RBAK: variants seen among roughly 807,000 people sequenced by gnomAD.
RBAK encodes RB associated KRAB zinc finger.
Under a neutral mutation model 65.8 loss-of-function variants are expected in RBAK, and 39 were observed. The ratio of observed to expected loss-of-function variants is 0.59; its 90% CI spans 0.46 to 0.77. The LOEUF is 0.77. RBAK is among the 30% of genes least tolerant of loss of function. The probability of loss-of-function intolerance (pLI) is 0.00; values close to 1 mark genes in which losing one functional copy is unlikely to be tolerated. For missense variants in RBAK, 884 were observed against 855.1 expected (o/e 1.03, Z -0.42); for synonymous variants, 343 against 289.7 (o/e 1.18, Z -1.87).
rs572193216 is a variant in RBAK at position 5,064,025 on chromosome 7, A to T, written c.569A>T (p.Asn190Ile). Residue 190 changes from asparagine (N) to isoleucine (I), a missense_variant, in exon 5 of 5, where the codon AAT becomes ATT. Coordinates refer to ENST00000396912, the MANE Select transcript of RBAK (RefSeq NM_021163.4). The surrounding 1 kb of genome is among the most constrained non-coding windows in gnomAD (Gnocchi z 6.3). ...CAAAATGGGGATACCTATTCTCACA[A>T]TGAAGAAAATATTCTTCAGAAAATT... ...FNQNGDTYSHNEENILQKISI... is the reference protein window; with the variant it reads ...FNQNGDTYSHIEENILQKISI... The T allele has an allele frequency of 1.9e-6, 3 of 1,613,196 alleles. No homozygotes were observed. The African/African-American group carries it at 4.0e-5, about 22-fold the overall frequency.
At chr7:5,058,507 G>A (rs1457455624) in intron 4 of RBAK, among the ~76,000 whole-genome samples, 2 of 151,914 alleles carry the variant, frequency 1.3e-5, no homozygotes, top group African/African-American at 2.4e-5. Flanking sequence ...TTCTGCCCTC[G>A]ATTTTATTTA....
Position 5,063,746 on chromosome 7 carries a change from A to C in RBAK, c.290A>C (p.Lys97Thr), listed in dbSNP as rs767733077. The C allele has an allele frequency of 6.2e-7, 1 of 1,612,998 alleles. No individual in the cohort carries two copies. The highest frequency in any genetic ancestry group is 1.1e-5 in the South Asian group (1 of 90,798). The change falls in exon 5 of 5, where the codon AAA (lysine) becomes ACA (threonine). Residue 97 changes from lysine (K) to threonine (T), a missense_variant. Physicochemically the swap from Lys to Thr is moderately conservative, Grantham distance 78. Coordinates refer to ENST00000396912, the MANE Select transcript of RBAK (RefSeq NM_021163.4). ...LIERIQENED[K>T]HSRQAACINS... ...GAGAGAATCCAAGAAAACGAAGACAAACATTCAAGGCAAGCTGCTTGTATC... is the reference window on the plus strand; with the variant it reads ...GAGAGAATCCAAGAAAACGAAGACACACATTCAAGGCAAGCTGCTTGTATC...
intron 2 of RBAK, among the ~76,000 whole-genome samples, chr7:5,052,617 A>G (rs1448241264): frequency 6.6e-6 from 1 of 152,190 alleles, no homozygotes; most frequent in African/African-American, 2.4e-5. Flanking sequence ...AGAGTAAGAG[A>G]AGCTTACAAT....
rs762607214 is a variant in RBAK at position 5,057,710 on chromosome 7, A to G, written c.169A>G (p.Ile57Val). The G allele has an allele frequency of 2.5e-6, 4 of 1,613,922 alleles. No individual in the cohort carries two copies. Among genetic ancestry groups the G allele is most frequent in the African/African-American group, 2.7e-5 (2 of 75,032 alleles). ...ATATGATACCACCAAGCCAAACGTC[A>G]TCATTAAGTTGGAGCAGGGAGAGGA... ...VGYDTTKPNV[I>V]IKLEQGEEPW... The change falls in exon 4 of 5, where the codon ATC (isoleucine) becomes GTC (valine). Residue 57 changes from isoleucine to valine, a missense_variant. Physicochemically the swap from Ile to Val is conservative, Grantham distance 29. Transcript: ENST00000396912.
chr7:5,059,945 G>A (rs1487366880), intron 4 of RBAK, among the ~76,000 whole-genome samples: 1 of 151,972 alleles, frequency 6.6e-6, no homozygotes, highest in East Asian at 1.9e-4. Context: ...TATATGTTCT[G>A]ATAGGATTAT....
Position 5,050,764 on chromosome 7 carries a change from A to G in RBAK, c.15+2673A>G, listed in dbSNP as rs76690492. Among the ~76,000 whole-genome samples the G allele has an allele frequency of 6.6e-3, 1,000 of 152,028 alleles. 14 individuals are homozygous for G. The highest frequency in any genetic ancestry group is 0.023 in the African/African-American group (952 of 41,450). On this transcript the variant is annotated intron_variant, in intron 2 of 4. Transcript: ENST00000396912. ...GAATTTTTTAATTTTTAGTAGAGAC[A>G]GGTTTTGCTATGTTGCCCAGGCTGG...
At chr7:5,056,559 C>G (rs1164461497) in intron 2 of RBAK, among the ~76,000 whole-genome samples, 1 of 152,208 alleles carries the variant, frequency 6.6e-6, no homozygotes, top group African/African-American at 2.4e-5. Flanking sequence ...GAAGCCTAAT[C>G]TGATGGCATA....
Position 5,064,466 on chromosome 7 carries a change from G to T in RBAK, c.1010G>T (p.Arg337Ile), listed in dbSNP as rs1196319324. The T allele has an allele frequency of 6.2e-7, 1 of 1,614,082 alleles. No individual in the cohort carries two copies. ...AAGTTACACCTCACTCAACACCTAA[G>T]AACTCATTCAGGAGAGAAACCCTAC... ...CQKLHLTQHLRTHSGEKPYEC... is the reference protein window; with the variant it reads ...CQKLHLTQHLITHSGEKPYEC... The change falls in exon 5 of 5, where the codon AGA (arginine) becomes ATA (isoleucine). Residue 337 changes from arginine to isoleucine, a missense_variant. By Grantham distance (97) the Arg-to-Ile change is moderately conservative. Transcript: ENST00000396912. This position sits in a 1 kb window ranked among gnomAD's most constrained non-coding sequence, Gnocchi z 6.3.
intron 2 of RBAK, among the ~76,000 whole-genome samples, chr7:5,051,464 G>A (rs917584564): frequency 2.0e-5 from 3 of 151,938 alleles, no homozygotes; most frequent in Admixed American, 6.6e-5. Context: ...AATACCCATA[G>A]CACAGTAATT....
In RBAK at chr7:5,064,416, T is replaced by A. The variant is rs746474231; in HGVS notation, c.960T>A (p.Asn320Lys). The A allele has an allele frequency of 5.6e-6, 9 of 1,613,986 alleles. No homozygotes were observed. The highest frequency in any genetic ancestry group is 1.6e-4 in the Middle Eastern group (1 of 6,082). ...SHLEEKPYKC[N>K]ECGKTFCQKL... Reference sequence around the variant, plus strand: ...TAGAGGAGAAGCCCTATAAATGTAATGAATGTGGGAAAACCTTTTGTCAGA... The same window carrying A: ...TAGAGGAGAAGCCCTATAAATGTAAAGAATGTGGGAAAACCTTTTGTCAGA... Residue 320 changes from asparagine (N) to lysine (K), a missense_variant, in exon 5 of 5, where the codon AAT becomes AAA. By Grantham distance (94) the Asn-to-Lys change is moderately conservative (BLOSUM62 0). Coordinates refer to ENST00000396912, the MANE Select transcript of RBAK (RefSeq NM_021163.4). The surrounding 1 kb of genome is among the most constrained non-coding windows in gnomAD (Gnocchi z 6.3).
In RBAK at chr7:5,066,405, G is replaced by C. The variant is rs1779219153; in HGVS notation, c.*804G>C. On this transcript the variant is annotated 3_prime_UTR_variant, in exon 5 of 5. Transcript: ENST00000396912. The stretch of plus-strand genomic sequence containing the variant: ...ATAAGATTTTCTAAAAGACTATTTT[G>C]ATAAACTATACATACATAATTTGGA... The C allele has an allele frequency of 6.6e-6, 1 of 151,784 alleles. No individual in the cohort carries two copies. Among genetic ancestry groups the C allele is most frequent in the Admixed American group, 6.6e-5 (1 of 15,230 alleles). 9.4% of individuals were successfully genotyped at this position (151,784 alleles called of 1,614,324 possible). A position where few individuals can be genotyped will look rare whatever the true frequency, so the allele number is the denominator to read the frequency against.
In RBAK at chr7:5,063,820, T is replaced by A. The variant is rs1216106964; in HGVS notation, c.364T>A (p.Tyr122Asn). ...EEKENTFSQIYMETSLVPSSI... is the reference protein window; with the variant it reads ...EEKENTFSQINMETSLVPSSI... Reference sequence around the variant, plus strand: ...GAAAGAGAATACATTTAGTCAAATTTACATGGAAACAAGCCTTGTTCCTTC... The same window carrying A: ...GAAAGAGAATACATTTAGTCAAATTAACATGGAAACAAGCCTTGTTCCTTC... The change falls in exon 5 of 5, where the codon TAC (tyrosine) becomes AAC (asparagine). Residue 122 changes from tyrosine (Y) to asparagine (N), a missense_variant. Coordinates refer to ENST00000396912, the MANE Select transcript of RBAK (RefSeq NM_021163.4). 1 of 1,614,062 alleles carries A rather than the reference T, an allele frequency of 6.2e-7. No individual in the cohort carries two copies. The highest frequency in any genetic ancestry group is 1.7e-5 in the Admixed American group (1 of 60,018).
chr7:5,065,259 A>C lies in RBAK; in HGVS notation c.1803A>C (p.Gly601=). The C allele has an allele frequency of 1.2e-6, 2 of 1,613,966 alleles. No individual in the cohort carries two copies. The highest frequency in any genetic ancestry group is 1.7e-6 in the Non-Finnish European group (2 of 1,179,922). ...AACCCTATGAATGTTACGAATGTGG[A>C]AAATTCTTCTCTCAGAAATCATATC... The part of the protein sequence containing the change: ...GEKPYECYEC[G]KFFSQKSYLT... The change falls in exon 5 of 5, where the codon GGA becomes GGC. Residue 601 remains glycine, a synonymous_variant. Coordinates refer to ENST00000396912, the MANE Select transcript of RBAK (RefSeq NM_021163.4). The surrounding 1 kb of genome is among the most constrained non-coding windows in gnomAD (Gnocchi z 5.3).
chr7:5,056,868 C>G (rs1212285925), intron 2 of RBAK: 2 of 152,396 alleles, frequency 1.3e-5, no homozygotes, highest in African/African-American at 2.4e-5. Context: ...AGGGGAGGGC[C>G]TGGCAGCAAG....
At position 5,065,094 on chromosome 7, in the gene RBAK, G is replaced by C. The variant is rs1354192983; in HGVS notation, c.1638G>C (p.Lys546Asn). The C allele has an allele frequency of 6.2e-7, 1 of 1,613,870 alleles. No individual in the cohort carries two copies. Among genetic ancestry groups the C allele is most frequent in the East Asian group, 2.2e-5 (1 of 44,870 alleles). ...CCTATGAATGTAATGTATGTGGAAA[G>C]TTATTCAATGAGTTGTCATACTATA... ...EKSYECNVCG[K>N]LFNELSYYTE... The change falls in exon 5 of 5, where the codon AAG (lysine) becomes AAC (asparagine). Residue 546 changes from lysine (K) to asparagine (N), a missense_variant. Lys to Asn is a moderately conservative substitution (Grantham distance 94). Coordinates refer to ENST00000396912, the MANE Select transcript of RBAK (RefSeq NM_021163.4). This position sits in a 1 kb window ranked among gnomAD's most constrained non-coding sequence, Gnocchi z 5.3.
At chr7:5,052,390 C>A (rs186602728) in intron 2 of RBAK, among the ~76,000 whole-genome samples, 324 of 152,174 alleles carry the variant, frequency 2.1e-3, no homozygotes, top group African/African-American at 7.5e-3. Context: ...AGTCCATTGC[C>A]TTTGCTTTCT....
chr7:5,061,625 C>T (rs565433808), intron 4 of RBAK, among the ~76,000 whole-genome samples: 7 of 150,784 alleles, frequency 4.6e-5, no homozygotes, highest in East Asian at 2.0e-4. Flanking sequence ...TGGCCGGCCA[C>T]GGTGGCTCGT....
intron 2 of RBAK, among the ~76,000 whole-genome samples, chr7:5,055,347 A>G (rs1314063392): frequency 5.3e-5 from 8 of 152,144 alleles, no homozygotes; most frequent in South Asian, 4.1e-4. Context: ...CATATGTCAC[A>G]TATATATCAT....
At chr7:5,047,812 T>C (rs1223963250) in intron 1 of RBAK, among the ~76,000 whole-genome samples, 1 of 151,726 alleles carries the variant, frequency 6.6e-6, no homozygotes, top group African/African-American at 2.4e-5. Context: ...TTCGCCATAT[T>C]GGCCAAGGAA....
Sources: gnomAD v4.1 joint callset for allele counts (sites outside exome capture counted in the v4.1 genomes callset) on GRCh38, gnomAD v4.1.1 for gene constraint, Gnocchi (gnomAD v3.1) non-coding constraint, MANE v1.5 for transcripts, NCBI Gene and HGNC (gene_info 2026-07-23, HGNC 2026-07-21) for gene names.